The following POSTN variants were observed in gnomAD, a reference collection of about 807,000 sequenced individuals.
POSTN encodes the protein periostin, also known as osteoblast specific factor 2 (fasciclin I-like).
A neutral mutation model predicts 104.5 loss-of-function variants in POSTN; 71 were observed. That is an observed-to-expected ratio of 0.68 (90% CI 0.56 to 0.83). The LOEUF (loss-of-function observed/expected upper bound fraction) is 0.83. POSTN is among the 40% of genes least tolerant of loss of function. The pLI is 0.00. For synonymous variants in POSTN, 355 were observed against 340.7 expected (o/e 1.04, Z -0.46); for missense variants, 949 against 1,006.8 (o/e 0.94, Z 0.78).
intron 4 of POSTN, among the ~76,000 whole-genome samples, chr13:37,588,459 T>C (rs989856833): frequency 6.6e-6 from 1 of 152,212 alleles, no homozygotes; most frequent in African/African-American, 2.4e-5. Flanking sequence ...TGTCATATTA[T>C]GCTTTACTCA....
At chr13:37,577,130 C>G (rs1950433057) in intron 16 of POSTN, among the ~76,000 whole-genome samples, 1 of 152,106 alleles carries the variant, frequency 6.6e-6, no homozygotes. Context: ...ATACTACTAG[C>G]TACACTTATG....
chr13:37,576,221 C>T (rs1309507537), intron 16 of POSTN, among the ~76,000 whole-genome samples: 1 of 151,820 alleles, frequency 6.6e-6, no homozygotes, highest in East Asian at 1.9e-4. Context: ...TAATATGCAG[C>T]AAAAAATTAT....
At chr13:37,582,581 G>C in intron 9 of POSTN, 67 bp from the exon 10 acceptor site, 1 of 1,380,896 alleles carries the variant, frequency 7.2e-7, no homozygotes, top group Non-Finnish European at 9.8e-7. Context: ...CTCCCGGTAA[G>C]ACAGAATCAT....
chr13:37,585,976 GC>G (rs1950730420), intron 7 of POSTN, among the ~76,000 whole-genome samples, 162 bp downstream of exon 7: 2 of 152,146 alleles, frequency 1.3e-5, no homozygotes, highest in Admixed American at 1.3e-4. Flanking sequence ...ATTATACTCT[GC>G]CTACTCTTTT....
At chr13:37,566,409 T>C (rs538152283) in intron 21 of POSTN, among the ~76,000 whole-genome samples, 2 of 152,310 alleles carry the variant, frequency 1.3e-5, no homozygotes, top group South Asian at 4.1e-4. Context: ...CATTACTTAA[T>C]TGACCATGTT....
In POSTN at chr13:37,590,321, A is replaced by C. The variant is rs188881354; in HGVS notation, c.441+51T>G. The C allele has an allele frequency of 5.0e-6, 7 of 1,398,452 alleles. No individual in the cohort carries two copies. The African/African-American group carries it at 1.0e-4, about 20-fold the overall frequency. 86.6% of individuals were successfully genotyped at this position (1,398,452 alleles called of 1,614,324 possible). The stretch of plus-strand genomic sequence containing the variant: ...CCAAGTTAATAAGTCAGTTAAAATG[A>C]AATAACAATAACAGCAAAAAATAAA... On this transcript the variant is annotated intron_variant, in intron 4 of 22. Coordinates refer to ENST00000379747, the MANE Select transcript of POSTN (RefSeq NM_006475.3).
At chr13:37,591,226 G>C (rs1034369636) in intron 3 of POSTN, among the ~76,000 whole-genome samples, 1 of 152,022 alleles carries the variant, frequency 6.6e-6, no homozygotes, top group Non-Finnish European at 1.5e-5. Flanking sequence ...ATTTAACAAG[G>C]TTCCATGTAA....
rs771596744 is a variant in POSTN at position 37,578,968 on chromosome 13, G to T, written c.1894+51C>A. 15 of 1,596,186 alleles carry T rather than the reference G, an allele frequency of 9.4e-6. 1 individual carries two copies. Among genetic ancestry groups the T allele is most frequent in the Middle Eastern group, 3.4e-4 (2 of 5,938 alleles). ...AAGAAAGCATAAAATAAAAATCGAG[G>T]TTCATATTAAAAAAAGACTTAGCCT... On this transcript the variant is annotated intron_variant, in intron 14 of 22. Transcript: ENST00000379747.
At chr13:37,596,343 C>T (rs1951085396) in intron 2 of POSTN, among the ~76,000 whole-genome samples, 1 of 152,128 alleles carries the variant, frequency 6.6e-6, no homozygotes. Context: ...GATTGCATTA[C>T]TTGCCCTATT....
Position 37,598,737 on chromosome 13 carries a change from T to G in POSTN, c.-11A>C. The G allele has an allele frequency of 6.2e-7, 1 of 1,611,740 alleles. No individual in the cohort carries two copies. Among genetic ancestry groups the G allele is most frequent in the Non-Finnish European group, 8.5e-7 (1 of 1,178,346 alleles). ...TAAAAAGGGAATCATCTTGAGTCTC[T>G]CCGTTGCAGTTAGTCCCCGAAGAGA... On this transcript the variant is annotated 5_prime_UTR_variant, in exon 1 of 23. Coordinates refer to ENST00000379747, the MANE Select transcript of POSTN (RefSeq NM_006475.3).
At chr13:37,588,008 G>T in intron 4 of POSTN, 22 bp from the exon 5 acceptor site, 15 of 1,550,786 alleles carry the variant, frequency 9.7e-6, no homozygotes, top group Non-Finnish European at 1.3e-5. Context: ...TGCAATGATA[G>T]AAATTCAATT....
intron 16 of POSTN, 146 bp downstream of exon 16, chr13:37,577,607 A>G: frequency 7.3e-7 from 1 of 1,367,054 alleles, no homozygotes. Context: ...TGAGACCTCA[A>G]TCCTTTTTTC....
Position 37,563,154 on chromosome 13 carries a change from A to AGGAGGCT in POSTN, c.*178_*179insAGCCTCC. 1 of 420,766 alleles carries AGGAGGCT rather than the reference A, an allele frequency of 2.4e-6. No homozygotes were observed. 26.1% of individuals were successfully genotyped at this position (420,766 alleles called of 1,614,324 possible). On this transcript the variant is annotated 3_prime_UTR_variant, in exon 23 of 23. Transcript: ENST00000379747. Reference sequence around the variant, plus strand: ...CTTTACCACAGGAGGCTAACTCCACAATTTCCCTCATGTTTCTCATTCAGA... The same window carrying AGGAGGCT: ...CTTTACCACAGGAGGCTAACTCCACAGGAGGCTATTTCCCTCATGTTTCTCATTCAGA...
chr13:37,584,661 T>C, intron 8 of POSTN, 55 bp downstream of exon 8: 1 of 1,382,134 alleles, frequency 7.2e-7, no homozygotes, highest in African/African-American at 1.4e-5. Context: ...GACAGCATAA[T>C]TAGTAAATTA....
chr13:37,579,513 A>G (rs1160453224), intron 12 of POSTN, among the ~76,000 whole-genome samples, 154 bp from the exon 13 acceptor site: 2 of 152,274 alleles, frequency 1.3e-5, no homozygotes, highest in Non-Finnish European at 2.9e-5. Flanking sequence ...ATTTCAAAAC[A>G]TAGTTATTTC....
intron 19 of POSTN, among the ~76,000 whole-genome samples, chr13:37,570,353 A>C (rs1046887800): frequency 6.6e-6 from 1 of 151,840 alleles, no homozygotes; most frequent in Non-Finnish European, 1.5e-5. Flanking sequence ...GTATGTATGC[A>C]TACATGTAAT....
Position 37,571,354 on chromosome 13 carries a change from A to G in POSTN, c.2179+15T>C. Reference sequence around the variant, plus strand: ...CAGCGAAGGTAGTCGGCCCCAGGTAACATAAGGAACGCACCTCCATGGATC... The same window carrying G: ...CAGCGAAGGTAGTCGGCCCCAGGTAGCATAAGGAACGCACCTCCATGGATC... On this transcript the variant is annotated intron_variant, in intron 18 of 22. Coordinates refer to ENST00000379747, the MANE Select transcript of POSTN (RefSeq NM_006475.3). 6.5e-7 allele frequency: 1 copy of G among 1,548,306 alleles called. No homozygotes were observed. The highest frequency in any genetic ancestry group is 1.1e-5 in the South Asian group (1 of 87,198).
At chr13:37,588,033 A>G (rs369181818) in intron 4 of POSTN, 47 bp from the exon 5 acceptor site, 1 of 1,447,454 alleles carries the variant, frequency 6.9e-7, no homozygotes, top group Non-Finnish European at 9.6e-7. Flanking sequence ...GTGGAACATT[A>G]GTAAAAGTCT....
chr13:37,586,980 C>A, intron 5 of POSTN, 52 bp from the exon 6 acceptor site: 1 of 1,546,362 alleles, frequency 6.5e-7, no homozygotes, highest in South Asian at 1.1e-5. Flanking sequence ...ACCCATTGAC[C>A]ACTGAGACTG....
Sources: allele counts gnomAD v4.1 joint callset (sites outside exome capture counted in the v4.1 genomes callset), GRCh38; gene constraint gnomAD v4.1.1; transcripts MANE v1.5; gene names NCBI Gene and HGNC (gene_info 2026-07-23, HGNC 2026-07-21).